The following SRC variants were observed in gnomAD, a reference collection of about 807,000 sequenced individuals.
The protein encoded by SRC is SRC proto-oncogene, non-receptor tyrosine kinase.
SRC carries 13 observed loss-of-function variants against 62.9 expected under a neutral mutation model. The ratio of observed to expected loss-of-function variants is 0.21; its 90% confidence interval spans 0.13 to 0.33. The LOEUF (loss-of-function observed/expected upper bound fraction) is 0.33, where lower values mean the gene tolerates loss of function less well. Ranked by LOEUF, SRC falls within the 10% of genes least tolerant of loss-of-function variation. SRC has a pLI of 1.00. For synonymous variants in SRC, 302 were observed against 317.5 expected, an observed-to-expected ratio of 0.95 and a Z score of 0.52; for missense variants, 457 against 737.3, an observed-to-expected ratio of 0.62 and a Z score of 4.40.
chr20:37,393,593 T>C (rs1197085929), intron 5 of SRC, among the ~76,000 whole-genome samples: 5 of 150,654 alleles, frequency 3.3e-5, no homozygotes, highest in Non-Finnish European at 5.9e-5. Flanking sequence ...AGTGAATTTC[T>C]TCCTGTCCCG....
intron 1 of SRC, among the ~76,000 whole-genome samples, chr20:37,349,222 T>A (rs1472044062): frequency 2.0e-5 from 3 of 152,108 alleles, no homozygotes; most frequent in South Asian, 4.1e-4. Context: ...CTAGATCAGG[T>A]CTCAAGAGGA....
chr20:37,372,543 C>T (rs927847234), intron 2 of SRC, among the ~76,000 whole-genome samples: 1 of 152,070 alleles, frequency 6.6e-6, no homozygotes, highest in African/African-American at 2.4e-5. Flanking sequence ...TGGAAACATA[C>T]TTTGTATGAT....
Position 37,400,253 on chromosome 20 carries a change from C to T in SRC, c.998C>T (p.Ser333Leu). The change falls in exon 10 of 14, where the codon TCA becomes TTA. Residue 333 changes from serine to leucine, a missense_variant. By Grantham distance (145) the Ser-to-Leu change is moderately radical. Coordinates refer to ENST00000373578, the MANE Select transcript of SRC (RefSeq NM_198291.3). ...CTGGTGCAGTTGTATGCTGTGGTTT[C>T]AGAGGAGCCCATTTACATCGTCACG... is the stretch of plus-strand genomic sequence containing the variant. The part of the protein sequence containing the change: ...EKLVQLYAVV[S>L]EEPIYIVTEY... 6.2e-7 allele frequency: 1 copy of T among 1,613,868 alleles called. No homozygotes were observed. Among genetic ancestry groups the T allele is most frequent in the Non-Finnish European group, 8.5e-7 (1 of 1,179,868 alleles).
chr20:37,401,730 C>A, intron 11 of SRC, 52 bp downstream of exon 11: 2 of 1,431,318 alleles, frequency 1.4e-6, no homozygotes, highest in African/African-American at 1.4e-5. Context: ...AGCACCCAGA[C>A]CCATCTGGTG....
At chr20:37,356,971 C>T (rs2069891858) in intron 1 of SRC, among the ~76,000 whole-genome samples, 1 of 152,190 alleles carries the variant, frequency 6.6e-6, no homozygotes, top group Non-Finnish European at 1.5e-5. Context: ...CCTACGGCTC[C>T]TGAGAGAGTG....
intron 2 of SRC, among the ~76,000 whole-genome samples, chr20:37,376,802 C>T (rs2070285464): frequency 6.6e-6 from 1 of 152,240 alleles, no homozygotes; most frequent in South Asian, 2.1e-4. Flanking sequence ...TGTGCCCGGC[C>T]CCACCTGTAG....
chr20:37,364,546 G>T (rs1030489189), intron 1 of SRC, among the ~76,000 whole-genome samples: 1 of 152,142 alleles, frequency 6.6e-6, no homozygotes, highest in Non-Finnish European at 1.5e-5. Context: ...AGGTCTAGGG[G>T]ACAAGGAGAG....
At chr20:37,358,572 G>T (rs1185914993) in intron 1 of SRC, among the ~76,000 whole-genome samples, 1 of 152,210 alleles carries the variant, frequency 6.6e-6, no homozygotes, top group Non-Finnish European at 1.5e-5. Flanking sequence ...CAGGCAGTAC[G>T]CTTCCTTGGA....
intron 2 of SRC, among the ~76,000 whole-genome samples, chr20:37,374,452 T>C (rs185194135): frequency 5.9e-5 from 9 of 152,308 alleles, no homozygotes; most frequent in Non-Finnish European, 1.2e-4. Context: ...ATAATTGATT[T>C]GGGAATGTTA....
intron 1 of SRC, among the ~76,000 whole-genome samples, chr20:37,361,860 CA>C (rs1264346211): frequency 1.9e-4 from 8 of 42,306 alleles, no homozygotes; most frequent in African/African-American, 1.1e-3. Flanking sequence ...TCTCTGTGTG[CA>C]GGTAGAGATG....
At chr20:37,368,527 T>TTG in intron 2 of SRC, among the ~76,000 whole-genome samples, 3 of 124,956 alleles carry the variant, frequency 2.4e-5, no homozygotes, top group South Asian at 4.9e-4. Flanking sequence ...TCTTTTTTTT[T>TTG]TTTTTTTTTT....
chr20:37,369,347 G>A (rs1018327706), intron 2 of SRC, among the ~76,000 whole-genome samples: 2 of 152,014 alleles, frequency 1.3e-5, no homozygotes, highest in Non-Finnish European at 2.9e-5. Context: ...TGTAGTTTTC[G>A]GAGTATAAGT....
intron 1 of SRC, among the ~76,000 whole-genome samples, chr20:37,359,611 T>G (rs561591361): frequency 6.6e-6 from 1 of 151,032 alleles, no homozygotes; most frequent in Non-Finnish European, 1.5e-5. Context: ...GGAGTGCTGG[T>G]GGAACTGGAG....
chr20:37,378,039 ACT>A (rs1425533258), intron 2 of SRC, among the ~76,000 whole-genome samples: 1 of 135,654 alleles, frequency 7.4e-6, no homozygotes, highest in East Asian at 2.2e-4. Flanking sequence ...ATCCAATTCT[ACT>A]CTTTTAGTTT....
chr20:37,380,157 C>G (rs1479519686), intron 2 of SRC, among the ~76,000 whole-genome samples: 1 of 152,074 alleles, frequency 6.6e-6, no homozygotes, highest in Non-Finnish European at 1.5e-5. Context: ...GTGGGCCATT[C>G]TTGCTCAAGG....
At chr20:37,373,147 TATACACAC>T (rs891844620) in intron 2 of SRC, among the ~76,000 whole-genome samples, 64 of 129,958 alleles carry the variant, frequency 4.9e-4, no homozygotes, top group Admixed American at 1.1e-3. Flanking sequence ...CATATGTACA[TATACACAC>T]ATACACACAT....
chr20:37,361,422 G>C (rs2069967838), intron 1 of SRC, among the ~76,000 whole-genome samples: 2 of 152,224 alleles, frequency 1.3e-5, no homozygotes. Context: ...CAGGCCACCT[G>C]CAGGCTTGAA....
chr20:37,391,857 A>C (rs572863176), intron 5 of SRC, among the ~76,000 whole-genome samples: 2 of 152,128 alleles, frequency 1.3e-5, no homozygotes, highest in Non-Finnish European at 2.9e-5. Context: ...CCATCTCAAA[A>C]AAATAAATAA....
intron 1 of SRC, among the ~76,000 whole-genome samples, chr20:37,363,036 CA>C (rs1411947491): frequency 1.3e-5 from 2 of 152,198 alleles, no homozygotes; most frequent in African/African-American, 4.8e-5. Context: ...CCTCTCTTCA[CA>C]AACCGCCTAG....
Sources: gnomAD v4.1 joint callset for allele counts (sites outside exome capture counted in the v4.1 genomes callset) on GRCh38, gnomAD v4.1.1 for gene constraint, MANE v1.5 for transcripts, NCBI Gene and HGNC (gene_info 2026-07-23, HGNC 2026-07-21) for gene names.